Variants in HORMAD2 observed in about 807,000 individuals in gnomAD.
HORMAD2 encodes the protein HORMA domain containing 2, also known as HORMA domain-containing protein 2.
HORMAD2 carries 45 observed loss-of-function variants against 38.8 expected under a neutral mutation model. The observed-to-expected ratio is 1.16, with a 90% CI of 0.91 to 1.49. The LOEUF (loss-of-function observed/expected upper bound fraction) is 1.49, where lower values mean the gene tolerates loss of function less well. Ranked by LOEUF, HORMAD2 falls within the 40% of genes most tolerant of loss-of-function variation. HORMAD2 has a pLI of 0.00. For synonymous variants in HORMAD2, 126 were observed against 122.8 expected, an observed-to-expected ratio of 1.03 and a Z score of -0.17; for missense variants, 338 against 367.0, an observed-to-expected ratio of 0.92 and a Z score of 0.65.
At chr22:30,095,466 T>G (rs2068765036) in intron 2 of HORMAD2, among the ~76,000 whole-genome samples, 1 of 152,190 alleles carries the variant, frequency 6.6e-6, no homozygotes, top group Admixed American at 6.5e-5. Context: ...TAGGGACATG[T>G]GGAGTTAGCC....
chr22:30,106,419 A>G (rs1601523005), intron 5 of HORMAD2, among the ~76,000 whole-genome samples: 1 of 152,188 alleles, frequency 6.6e-6, no homozygotes, highest in Non-Finnish European at 1.5e-5. Flanking sequence ...CAAAAGACAG[A>G]TAATGATCAT....
intron 10 of HORMAD2, among the ~76,000 whole-genome samples, chr22:30,170,610 T>A (rs775053475): frequency 3.3e-5 from 5 of 152,058 alleles, no homozygotes; most frequent in Non-Finnish European, 7.4e-5. Flanking sequence ...ATTTTCCATG[T>A]CTTTTCATGT....
At chr22:30,158,596 TC>T (rs1471937499) in intron 10 of HORMAD2, among the ~76,000 whole-genome samples, 2 of 78,578 alleles carry the variant, frequency 2.5e-5, no homozygotes, top group Non-Finnish European at 4.2e-5. Context: ...CTTCCTTCCT[TC>T]CCTCCCTCCC....
intron 1 of HORMAD2, among the ~76,000 whole-genome samples, chr22:30,083,046 A>G (rs1025199794): frequency 6.6e-6 from 1 of 152,172 alleles, no homozygotes; most frequent in African/African-American, 2.4e-5. Flanking sequence ...AGAAAGGAGT[A>G]TTGCTTGAGC....
At chr22:30,119,578 A>C (rs1436686817) in intron 8 of HORMAD2, among the ~76,000 whole-genome samples, 8 of 152,212 alleles carry the variant, frequency 5.3e-5, no homozygotes, top group Non-Finnish European at 1.0e-4. Flanking sequence ...TAATGGGTTA[A>C]ATAGCAAACA....
At chr22:30,175,992 T>A in intron 10 of HORMAD2, 71 bp from the exon 11 acceptor site, 1 of 971,968 alleles carries the variant, frequency 1.0e-6, no homozygotes, top group Non-Finnish European at 1.6e-6. Context: ...TTGGTCTACC[T>A]GTCTTATATA....
chr22:30,087,991 A>G (rs1327766373), intron 1 of HORMAD2, among the ~76,000 whole-genome samples: 2 of 151,812 alleles, frequency 1.3e-5, no homozygotes, highest in South Asian at 2.1e-4. Context: ...ATATACATAT[A>G]TATATACACA....
At chr22:30,132,530 A>T in intron 10 of HORMAD2, among the ~76,000 whole-genome samples, 2 of 144,676 alleles carry the variant, frequency 1.4e-5, no homozygotes, top group Admixed American at 7.1e-5. Flanking sequence ...ACAGAGGGAG[A>T]CTCCGTCTCA....
intron 10 of HORMAD2, among the ~76,000 whole-genome samples, chr22:30,165,958 T>C (rs575823977): frequency 6.6e-6 from 1 of 151,588 alleles, no homozygotes; most frequent in Non-Finnish European, 1.5e-5. Context: ...TTATTTTTAT[T>C]ATTATTATTC....
At chr22:30,172,380 C>T (rs188325994) in intron 10 of HORMAD2, among the ~76,000 whole-genome samples, 1 of 152,278 alleles carries the variant, frequency 6.6e-6, no homozygotes, top group African/African-American at 2.4e-5. Context: ...CATTGTATTG[C>T]ATTATACTGT....
At chr22:30,133,163 G>A (rs1273342332) in intron 10 of HORMAD2, among the ~76,000 whole-genome samples, 2 of 152,052 alleles carry the variant, frequency 1.3e-5, no homozygotes, top group East Asian at 3.9e-4. Context: ...TAATGATAAT[G>A]TTACCCAATT....
intron 10 of HORMAD2, among the ~76,000 whole-genome samples, chr22:30,175,825 AAGAAACTGTCTC>A (rs1926420490): frequency 6.6e-6 from 1 of 152,204 alleles, no homozygotes; most frequent in Non-Finnish European, 1.5e-5. Context: ...AGAGAGAGCC[AAGAAACTGTCTC>A]AGAAACTGGC....
intron 10 of HORMAD2, among the ~76,000 whole-genome samples, chr22:30,151,821 C>T (rs113486761): frequency 3.3e-5 from 5 of 152,166 alleles, no homozygotes; most frequent in African/African-American, 7.2e-5. Flanking sequence ...TAAGAACACA[C>T]AGAGAGATCA....
Position 30,103,498 on chromosome 22 carries a change from A to T in HORMAD2, c.255A>T (p.Arg85Ser). 1 of 1,464,694 alleles carries T rather than the reference A, an allele frequency of 6.8e-7. No homozygotes were observed. Among genetic ancestry groups the T allele is most frequent in the Non-Finnish European group, 9.4e-7 (1 of 1,068,144 alleles). 90.7% of individuals were successfully genotyped at this position (1,464,694 alleles called of 1,614,324 possible). A position where few individuals can be genotyped will look rare whatever the true frequency, so the allele number is the denominator to read the frequency against. Residue 85 changes from arginine (R) to serine (S), a missense_variant and splice_region_variant, in exon 4 of 11, where the codon AGA becomes AGT. Arg to Ser is a moderately radical substitution (Grantham distance 110, BLOSUM62 -1). Coordinates refer to ENST00000336726, the MANE Select transcript of HORMAD2 (RefSeq NM_152510.4). ...GTCCCGGGTCACTGCATATTATCAG[A>T]TGGTAAGTAATAGAAATTCTATAAA... ...KKCPGSLHIIRWIQGCFDALE... is the reference protein window; with the variant it reads ...KKCPGSLHIISWIQGCFDALE...
intron 10 of HORMAD2, among the ~76,000 whole-genome samples, chr22:30,166,160 A>C (rs1925768676): frequency 6.6e-6 from 1 of 152,050 alleles, no homozygotes; most frequent in South Asian, 2.1e-4. Flanking sequence ...CATTTATTTG[A>C]TGAATTAATC....
intron 3 of HORMAD2, among the ~76,000 whole-genome samples, chr22:30,101,199 A>G (rs1920941151): frequency 6.6e-6 from 1 of 152,230 alleles, no homozygotes; most frequent in Non-Finnish European, 1.5e-5. Flanking sequence ...CCCATCAATG[A>G]TAGACTGGAT....
At chr22:30,109,257 C>A (rs1422952353) in intron 5 of HORMAD2, among the ~76,000 whole-genome samples, 1 of 152,086 alleles carries the variant, frequency 6.6e-6, no homozygotes, top group Admixed American at 6.5e-5. Flanking sequence ...AACTCCTGAC[C>A]TTGTGATCCT....
At position 30,137,932 on chromosome 22, in the gene HORMAD2, C is replaced by T. The variant is rs1923783736; in HGVS notation, c.819+15718C>T. On this transcript the variant is annotated intron_variant, in intron 10 of 10. Transcript: ENST00000336726. The stretch of plus-strand genomic sequence containing the variant: ...ATTTTTAATTTTCTTGGATATATAC[C>T]TAGGAATAGAATTGCTGGGTCATAT... 2.0e-5 allele frequency among the ~76,000 whole-genome samples: 3 copies of T among 152,034 alleles called. No homozygotes were observed. In the South Asian group the frequency reaches 6.2e-4, roughly 32 times the overall value.
At chr22:30,094,451 C>T (rs1369460519) in intron 2 of HORMAD2, among the ~76,000 whole-genome samples, 1 of 152,112 alleles carries the variant, frequency 6.6e-6, no homozygotes, top group Non-Finnish European at 1.5e-5. Flanking sequence ...TAGTTTGTCT[C>T]ATGACATTCA....
Sources: allele counts gnomAD v4.1 joint callset (sites outside exome capture counted in the v4.1 genomes callset), GRCh38; gene constraint gnomAD v4.1.1; transcripts MANE v1.5; gene names NCBI Gene and HGNC (gene_info 2026-07-23, HGNC 2026-07-21).